The following KAT6B variants were observed in gnomAD, a reference collection of about 807,000 sequenced individuals.
KAT6B encodes the protein lysine acetyltransferase 6B.
KAT6B carries 10 observed loss-of-function variants against 187.5 expected under a neutral mutation model. The observed-to-expected ratio is 0.05, with a 90% CI of 0.03 to 0.09. KAT6B has a LOEUF of 0.09. Among genes scored for constraint, KAT6B ranks in the 10% least tolerant of loss-of-function variants. The pLI, the probability that KAT6B is intolerant of heterozygous loss-of-function variation, is 1.00. For missense variants in KAT6B, 1,952 were observed against 2,558.9 expected, an observed-to-expected ratio of 0.76 and a Z score of 5.12; for synonymous variants, 861 against 926.8, an observed-to-expected ratio of 0.93 and a Z score of 1.29.
At chr10:74,867,163 T>A (rs1218781191) in intron 3 of KAT6B, among the ~76,000 whole-genome samples, 3 of 152,136 alleles carry the variant, frequency 2.0e-5, no homozygotes, top group Non-Finnish European at 4.4e-5. Context: ...CAGTCTAAAT[T>A]ATTATTGGGG....
intron 13 of KAT6B, 47 bp from the exon 14 acceptor site, chr10:75,020,535 C>T: frequency 7.5e-7 from 1 of 1,328,730 alleles, no homozygotes; most frequent in African/African-American, 1.4e-5. Flanking sequence ...GTTCTAAGCT[C>T]TGGGAATGCC....
chr10:74,885,068 A>AATTT (rs974515187), intron 3 of KAT6B, among the ~76,000 whole-genome samples: 3 of 151,152 alleles, frequency 2.0e-5, no homozygotes, highest in South Asian at 4.2e-4. Context: ...TTAATTAATT[A>AATTT]ATTTATTTAT....
intron 3 of KAT6B, among the ~76,000 whole-genome samples, chr10:74,871,288 G>A (rs991149527): frequency 3.3e-5 from 5 of 150,490 alleles, no homozygotes; most frequent in Non-Finnish European, 5.9e-5. Flanking sequence ...TGCCTTCTGG[G>A]TCCAAGTGAT....
chr10:74,985,125 T>C lies in KAT6B; in HGVS notation c.2419T>C (p.Leu807=). Residue 807 remains leucine, a synonymous_variant, in exon 12 of 18, where the codon TTA becomes CTA. Transcript: ENST00000287239. ...AATTTATTGCCAAAACCTTTGCTTG[T>C]TAGCCAAGCTCTTCCTGGACCACAA... ...SKIYCQNLCL[L]AKLFLDHKTL... 4 of 1,614,146 alleles carry C rather than the reference T, an allele frequency of 2.5e-6. No homozygotes were observed. In the South Asian group the frequency reaches 3.3e-5, roughly 13 times the overall value.
chr10:74,923,215 A>G (rs1217235639), intron 3 of KAT6B, among the ~76,000 whole-genome samples: 2 of 152,216 alleles, frequency 1.3e-5, no homozygotes, highest in African/African-American at 4.8e-5. Context: ...TAGAAGTAGT[A>G]TAGAAAAGGA....
chr10:74,950,956 TA>T (rs952238235), intron 3 of KAT6B, among the ~76,000 whole-genome samples: 5 of 147,126 alleles, frequency 3.4e-5, no homozygotes, highest in East Asian at 2.0e-4. Flanking sequence ...CTACCAAAAA[TA>T]AAAAAAAAAT....
chr10:74,962,807 C>T (rs192852105), intron 4 of KAT6B, among the ~76,000 whole-genome samples: 11 of 151,324 alleles, frequency 7.3e-5, no homozygotes, highest in African/African-American at 2.4e-4. Context: ...TAAAGGGGCT[C>T]GATGCTTTAA....
chr10:75,013,525 A>G (rs904756680), intron 13 of KAT6B, among the ~76,000 whole-genome samples: 1 of 152,126 alleles, frequency 6.6e-6, no homozygotes, highest in Admixed American at 6.5e-5. Flanking sequence ...GCTTTTCTCA[A>G]TCTGATTCTA....
rs886047244 is a variant in KAT6B at position 75,022,148 on chromosome 10, G to A, written c.3289G>A (p.Glu1097Lys). Residue 1097 changes from glutamate (E) to lysine (K), a missense_variant, in exon 16 of 18, where the codon GAA becomes AAA. By Grantham distance (56) the Glu-to-Lys change is moderately conservative. Around this residue, in one of 9 missense-constraint regions of KAT6B, gnomAD observed 758 missense variants for 891.4 expected, o/e 0.85. Transcript: ENST00000287239. ...EEEDEEEEEEEEEEEEEENIQ... is the reference protein window; with the variant it reads ...EEEDEEEEEEKEEEEEEENIQ... The stretch of plus-strand genomic sequence containing the variant: ...AGAGGATGAAGAGGAGGAAGAAGAG[G>A]AAGAAGAAGAAGAAGAAGAAGAAAA... 2 of 1,093,306 alleles carry A rather than the reference G, an allele frequency of 1.8e-6. No homozygotes were observed. Among genetic ancestry groups the A allele is most frequent in the Non-Finnish European group, 2.2e-6 (2 of 891,546 alleles). 67.7% of individuals were successfully genotyped at this position (1,093,306 alleles called of 1,614,324 possible).
intron 3 of KAT6B, among the ~76,000 whole-genome samples, chr10:74,869,895 TAGA>T (rs1167357698): frequency 6.6e-6 from 1 of 152,152 alleles, no homozygotes. Context: ...TCACCAAACT[TAGA>T]AGGTTTTTGA....
chr10:74,895,670 G>C (rs574880583), intron 3 of KAT6B, among the ~76,000 whole-genome samples: 7 of 152,218 alleles, frequency 4.6e-5, no homozygotes, highest in African/African-American at 1.2e-4. Context: ...CACCTGCGTA[G>C]CTGGGACTAC....
intron 3 of KAT6B, among the ~76,000 whole-genome samples, chr10:74,925,167 A>G (rs1048438434): frequency 6.6e-5 from 10 of 152,010 alleles, no homozygotes; most frequent in South Asian, 6.2e-4. Context: ...CAGCCTCCCA[A>G]TTAGCTGGGA....
At position 74,972,588 on chromosome 10, in the gene KAT6B, G is replaced by A. The variant is rs1165129669; in HGVS notation, c.1010G>A (p.Arg337Gln). ...GAGAAAGCTGCACAAATAAAACGAC[G>A]ATATGCAAAACCCATTGGACGACCG... ...LHEKAAQIKR[R>Q]YAKPIGRPKN... The change falls in exon 7 of 18, where the codon CGA becomes CAA. Residue 337 changes from arginine to glutamine, a missense_variant. Coordinates refer to ENST00000287239, the MANE Select transcript of KAT6B (RefSeq NM_012330.4). The A allele has an allele frequency of 1.9e-6, 3 of 1,613,064 alleles. No homozygotes were observed. The highest frequency in any genetic ancestry group is 2.2e-5 in the South Asian group (2 of 90,956).
At chr10:74,978,884 T>G (rs1043426332) in intron 9 of KAT6B, among the ~76,000 whole-genome samples, 1 of 152,250 alleles carries the variant, frequency 6.6e-6, no homozygotes, top group African/African-American at 2.4e-5. Flanking sequence ...TACAACAGAT[T>G]GTTAAATCCA....
intron 13 of KAT6B, among the ~76,000 whole-genome samples, chr10:75,018,484 C>T (rs1207321872): frequency 6.6e-6 from 1 of 152,236 alleles, no homozygotes; most frequent in East Asian, 1.9e-4. Flanking sequence ...GGCTCAGGCC[C>T]TGACAGGGTG....
chr10:74,883,660 T>C (rs1003466626), intron 3 of KAT6B, among the ~76,000 whole-genome samples: 2 of 152,218 alleles, frequency 1.3e-5, no homozygotes, highest in African/African-American at 4.8e-5. Context: ...AAGCTCACTT[T>C]ATGATTATAC....
intron 2 of KAT6B, among the ~76,000 whole-genome samples, chr10:74,839,290 G>A (rs1415782436): frequency 4.6e-5 from 7 of 150,590 alleles, no homozygotes; most frequent in African/African-American, 1.7e-4. Context: ...GAGTACAATG[G>A]CGCAATCTCG....
chr10:74,915,666 A>AAT (rs1847620886), intron 3 of KAT6B, among the ~76,000 whole-genome samples: 1 of 152,220 alleles, frequency 6.6e-6, no homozygotes, highest in East Asian at 1.9e-4. Flanking sequence ...AGAATGAAAG[A>AAT]GTGCTTCCAT....
chr10:74,963,822 A>G (rs981123902), intron 4 of KAT6B, among the ~76,000 whole-genome samples: 5 of 152,298 alleles, frequency 3.3e-5, no homozygotes, highest in East Asian at 1.9e-4. Flanking sequence ...ACCTAAAGAT[A>G]TGATCCAAAG....
Sources: gnomAD v4.1 joint callset for allele counts (sites outside exome capture counted in the v4.1 genomes callset) on GRCh38, gnomAD v4.1.1 for gene constraint, gnomAD v4.1.1 regional missense constraint, MANE v1.5 for transcripts, NCBI Gene and HGNC (gene_info 2026-07-23, HGNC 2026-07-21) for gene names.